The following EYA4 variants were observed in gnomAD, a reference collection of about 807,000 sequenced individuals.
EYA4 encodes EYA transcriptional coactivator and phosphatase 4.
Under a neutral mutation model 87.9 loss-of-function variants are expected in EYA4, and 31 were observed. The observed-to-expected ratio is 0.35, with a 90% CI of 0.27 to 0.48. The LOEUF (loss-of-function observed/expected upper bound fraction) is 0.48, where lower values mean the gene tolerates loss of function less well. EYA4 is among the 20% of genes least tolerant of loss of function. EYA4 has a pLI of 0.99. For synonymous variants in EYA4, 263 were observed against 270.6 expected, an observed-to-expected ratio of 0.97 and a Z score of 0.28; for missense variants, 678 against 761.4, an observed-to-expected ratio of 0.89 and a Z score of 1.29.
chr6:133,263,527 C>T (rs1775966494), intron 1 of EYA4, among the ~76,000 whole-genome samples: 1 of 152,168 alleles, frequency 6.6e-6, no homozygotes, highest in South Asian at 2.1e-4. Flanking sequence ...CTGATATTTT[C>T]CCAGACTCAT....
At chr6:133,389,360 T>A (rs1315792396) in intron 3 of EYA4, among the ~76,000 whole-genome samples, 1 of 152,178 alleles carries the variant, frequency 6.6e-6, no homozygotes, top group Non-Finnish European at 1.5e-5. Context: ...CAGGGTACCA[T>A]GTTCTTCTCC....
At chr6:133,283,772 T>A (rs1167114914) in intron 2 of EYA4, among the ~76,000 whole-genome samples, 3 of 152,208 alleles carry the variant, frequency 2.0e-5, no homozygotes, top group African/African-American at 7.2e-5. Context: ...GTAACCATCA[T>A]TTGAATAGTG....
intron 3 of EYA4, among the ~76,000 whole-genome samples, chr6:133,433,872 A>G (rs573824195): frequency 4.9e-4 from 75 of 152,344 alleles, no homozygotes; most frequent in African/African-American, 1.6e-3. Context: ...AGCGACTGGG[A>G]GGACACAGGG....
In EYA4 at chr6:133,340,837, G is replaced by GTCCC. The variant is rs554931167; in HGVS notation, c.34-41552_34-41549dup. ...ACTGCTGATCTAACTTTTCGAAAGA[G>GTCCC]TCCCTCTGGCTGCTGTGTGAAGAAA... On this transcript the variant is annotated intron_variant, in intron 2 of 19. Coordinates refer to ENST00000355286, the MANE Select transcript of EYA4 (RefSeq NM_004100.5). Among the ~76,000 whole-genome samples the GTCCC allele has an allele frequency of 2.2e-3, 333 of 152,246 alleles. 1 individual carries two copies. The highest frequency in any genetic ancestry group is 6.8e-3 in the Middle Eastern group (2 of 294).
chr6:133,247,996 G>T (rs1404830386), intron 1 of EYA4: 1 of 152,126 alleles, frequency 6.6e-6, no homozygotes, highest in Non-Finnish European at 1.5e-5. Context: ...GCAGAAAGGT[G>T]TGTCTACTCT....
At chr6:133,319,327 T>G (rs2128349689) in intron 2 of EYA4, among the ~76,000 whole-genome samples, 1 of 152,346 alleles carries the variant, frequency 6.6e-6, no homozygotes, top group South Asian at 2.1e-4. Context: ...TAGAGGTACA[T>G]AAGTATCTGT....
intron 3 of EYA4, among the ~76,000 whole-genome samples, chr6:133,385,561 G>C (rs1786679089): frequency 6.6e-6 from 1 of 151,990 alleles, no homozygotes; most frequent in South Asian, 2.1e-4. Context: ...CATAAAATGT[G>C]AGCCAGAGAA....
chr6:133,388,677 A>T (rs1380573059), intron 3 of EYA4, among the ~76,000 whole-genome samples: 1 of 152,170 alleles, frequency 6.6e-6, no homozygotes, highest in African/African-American at 2.4e-5. Flanking sequence ...ATAGTTGCTT[A>T]TTATGTGTTT....
At chr6:133,352,233 A>G (rs371722603) in intron 2 of EYA4, among the ~76,000 whole-genome samples, 26 of 152,316 alleles carry the variant, frequency 1.7e-4, no homozygotes, top group East Asian at 1.4e-3. Flanking sequence ...TCTTGTGTAT[A>G]CAATGTGATT....
intron 2 of EYA4, among the ~76,000 whole-genome samples, chr6:133,299,931 C>CTATATATA (rs1483133674): frequency 1.8e-3 from 141 of 80,462 alleles, no homozygotes; most frequent in African/African-American, 5.8e-3. Context: ...AGATCTCTAT[C>CTATATATA]TATCTATCTA....
intron 17 of EYA4, among the ~76,000 whole-genome samples, chr6:133,519,244 C>T (rs554143896): frequency 0.011 from 1,583 of 149,656 alleles, 28 homozygotes; most frequent in African/African-American, 0.035. Context: ...ATTGATAGAC[C>T]GCTAGCAAGA....
In EYA4 at chr6:133,462,486, C is replaced by T. The variant is rs1794485545; in HGVS notation, c.580+9C>T. 4.3e-6 allele frequency: 7 copies of T among 1,613,088 alleles called. No individual in the cohort carries two copies. The South Asian group carries it at 4.4e-5, about 10-fold the overall frequency. On this transcript the variant is annotated intron_variant, in intron 8 of 19. Transcript: ENST00000355286. The stretch of plus-strand genomic sequence containing the variant: ...CAGCTTGCCCACTTACGGTATTTCA[C>T]ATCTTCTGTTTTCTTCTTTGGTTAT...
chr6:133,493,910 G>A (rs643202), intron 13 of EYA4, among the ~76,000 whole-genome samples: 125,203 of 152,150 alleles, frequency 0.82, 52,070 homozygotes, highest in African/African-American at 0.94. Context: ...AAAATGGTTT[G>A]TATCCAAAAG....
intron 13 of EYA4, among the ~76,000 whole-genome samples, chr6:133,498,182 T>A (rs1797795403): frequency 6.6e-6 from 1 of 152,162 alleles, no homozygotes; most frequent in Non-Finnish European, 1.5e-5. Context: ...ATTAATCAAG[T>A]GTTAGAACCA....
chr6:133,503,247 T>C (rs1388273036), intron 13 of EYA4, among the ~76,000 whole-genome samples: 1 of 152,206 alleles, frequency 6.6e-6, no homozygotes, highest in African/African-American at 2.4e-5. Context: ...AAGCATGGAA[T>C]TGATCAAAGT....
intron 13 of EYA4, among the ~76,000 whole-genome samples, chr6:133,504,585 T>G (rs1274732782): frequency 6.6e-6 from 1 of 152,228 alleles, no homozygotes; most frequent in African/African-American, 2.4e-5. Context: ...TGCCTTTTTC[T>G]TAGCATTTAA....
chr6:133,440,972 C>T (rs1792218750), intron 3 of EYA4, among the ~76,000 whole-genome samples: 2 of 152,128 alleles, frequency 1.3e-5, no homozygotes, highest in South Asian at 4.1e-4. Flanking sequence ...CAGAATTTGA[C>T]TGATGTGTTT....
intron 5 of EYA4, among the ~76,000 whole-genome samples, chr6:133,455,487 G>A (rs1793822034): frequency 6.6e-6 from 1 of 152,158 alleles, no homozygotes; most frequent in African/African-American, 2.4e-5. Context: ...ATGTGGAAAA[G>A]AGCATAATCA....
intron 3 of EYA4, among the ~76,000 whole-genome samples, chr6:133,397,477 A>C (rs1175511707): frequency 6.6e-6 from 1 of 152,132 alleles, no homozygotes; most frequent in Non-Finnish European, 1.5e-5. Flanking sequence ...ATTTTATTTC[A>C]TGGAAAGGTT....
Sources: allele counts gnomAD v4.1 joint callset (sites outside exome capture counted in the v4.1 genomes callset), GRCh38; gene constraint gnomAD v4.1.1; transcripts MANE v1.5; gene names NCBI Gene and HGNC (gene_info 2026-07-23, HGNC 2026-07-21).